VPS37A: variants seen among roughly 807,000 people sequenced by gnomAD.
VPS37A encodes the protein VPS37A subunit of ESCRT-I.
A neutral mutation model predicts 49.8 loss-of-function variants in VPS37A; 30 were observed. The ratio of observed to expected loss-of-function variants is 0.60; its 90% CI spans 0.45 to 0.82. The LOEUF is 0.82. VPS37A is among the 40% of genes least tolerant of loss of function. The probability of loss-of-function intolerance (pLI) is 0.00; values close to 1 mark genes in which losing one functional copy is unlikely to be tolerated. For synonymous variants in VPS37A, 195 were observed against 160.6 expected (o/e 1.21, Z -1.62); for missense variants, 593 against 464.4 (o/e 1.28, Z -2.55).
the VPS37A span, among the ~76,000 whole-genome samples, chr8:17,321,277 C>T: frequency 6.6e-6 from 1 of 152,208 alleles, no homozygotes; most frequent in Non-Finnish European, 1.5e-5. Flanking sequence ...CAGGACCAGG[C>T]CCTAGAATGT....
At chr8:17,313,992 G>C in the VPS37A span, among the ~76,000 whole-genome samples, 1 of 152,198 alleles carries the variant, frequency 6.6e-6, no homozygotes, top group African/African-American at 2.4e-5. Context: ...TAGAGCATCA[G>C]GGTAGAGGCT....
At chr8:17,294,961 G>T (rs748699775) in intron 11 of VPS37A, 26 bp from the exon 12 acceptor site, 1 of 152,364 alleles carries the variant, frequency 6.6e-6, no homozygotes, top group Admixed American at 6.5e-5. Context: ...AAATATTAGA[G>T]GTATTTTTTA....
intron 9 of VPS37A, 84 bp from the exon 10 acceptor site, chr8:17,284,389 C>A: frequency 6.8e-7 from 1 of 1,465,746 alleles, no homozygotes; most frequent in Non-Finnish European, 9.0e-7. Context: ...AATTGCCTCT[C>A]CATACCACTA....
chr8:17,285,610 C>A (rs181409422), intron 10 of VPS37A, among the ~76,000 whole-genome samples: 7 of 152,246 alleles, frequency 4.6e-5, no homozygotes, highest in African/African-American at 1.4e-4. Flanking sequence ...CCTGTTAAGG[C>A]AGATGAGGTG....
At chr8:17,299,933 C>T (rs746532431), downstream of VPS37A, 3 of 1,614,048 alleles carry the variant, frequency 1.9e-6, no homozygotes, top group Admixed American at 1.7e-5. Context: ...GCATGCTCAC[C>T]ACCACTTGGA....
At chr8:17,276,642 T>C (rs746502439) in intron 6 of VPS37A, among the ~76,000 whole-genome samples, 175 bp downstream of exon 6, 4 of 152,190 alleles carry the variant, frequency 2.6e-5, no homozygotes, top group Non-Finnish European at 4.4e-5. Context: ...GTTACATTTA[T>C]TGAGTGACTG....
At chr8:17,259,556 G>C (rs1812786799) in intron 1 of VPS37A, among the ~76,000 whole-genome samples, 1 of 152,134 alleles carries the variant, frequency 6.6e-6, no homozygotes, top group South Asian at 2.1e-4. Flanking sequence ...CAGCAATTGA[G>C]TGCAGTGTTC....
intron 4 of VPS37A, among the ~76,000 whole-genome samples, chr8:17,272,768 G>C (rs544412294): frequency 6.6e-6 from 1 of 152,078 alleles, no homozygotes; most frequent in Non-Finnish European, 1.5e-5. Context: ...AAGCTGATTA[G>C]AAAACTTAAT....
Position 17,247,357 on chromosome 8 carries a change from A to G in VPS37A, c.113A>G (p.Asn38Ser). Residue 38 changes from asparagine (N) to serine (S), a missense_variant, in exon 1 of 12, where the codon AAC (asparagine) becomes AGC (serine). Physicochemically the swap from Asn to Ser is conservative, Grantham distance 46. Transcript: ENST00000324849. ...QKQRLIESLR[N>S]SHSSIAEIQK... ...CAGCGCCTGATCGAGTCCCTCCGGA[A>G]CTCACACTCCAGGTGACTGGTCGCT... The G allele has an allele frequency of 6.7e-7, 1 of 1,490,058 alleles. No homozygotes were observed. Among genetic ancestry groups the G allele is most frequent in the Non-Finnish European group, 8.9e-7 (1 of 1,119,702 alleles). The allele number at this position is 1,490,058 out of a possible 1,614,324, so 92.3% of individuals were successfully genotyped here.
chr8:17,291,137 C>G (rs989467979), intron 11 of VPS37A, among the ~76,000 whole-genome samples: 7 of 152,116 alleles, frequency 4.6e-5, no homozygotes, highest in African/African-American at 1.7e-4. Context: ...CTCAGCCTCC[C>G]AAGTAGCTGG....
chr8:17,305,743 A>G, downstream of VPS37A: 4 of 1,592,802 alleles, frequency 2.5e-6, no homozygotes, highest in Non-Finnish European at 3.4e-6. Context: ...CACCAAAAAC[A>G]CCAAAACACT....
intron 1 of VPS37A, among the ~76,000 whole-genome samples, chr8:17,252,277 A>G (rs1017444404): frequency 9.9e-5 from 15 of 152,170 alleles, no homozygotes; most frequent in Non-Finnish European, 1.6e-4. Flanking sequence ...TCAGCTTCCC[A>G]AGTAGCTGGA....
At chr8:17,253,078 CAGTT>C (rs1812122831) in intron 1 of VPS37A, among the ~76,000 whole-genome samples, 2 of 152,056 alleles carry the variant, frequency 1.3e-5, no homozygotes, top group Non-Finnish European at 2.9e-5. Flanking sequence ...CTCAAGTGCT[CAGTT>C]AATTTTCTCA....
intron 2 of VPS37A, 62 bp from the exon 3 acceptor site, chr8:17,268,196 T>G: frequency 3.5e-6 from 4 of 1,158,178 alleles, no homozygotes; most frequent in Non-Finnish European, 5.0e-6. Flanking sequence ...TTTAAGATTT[T>G]GACCATATAA....
intron 1 of VPS37A, among the ~76,000 whole-genome samples, chr8:17,249,510 C>T (rs758253922): frequency 1.3e-5 from 2 of 152,096 alleles, no homozygotes; most frequent in Non-Finnish European, 2.9e-5. Flanking sequence ...TGAGATGTTT[C>T]GCATTTACAA....
At chr8:17,324,265 G>C in the VPS37A span, among the ~76,000 whole-genome samples, 83 of 152,314 alleles carry the variant, frequency 5.4e-4, no homozygotes, top group Middle Eastern at 6.8e-3. Context: ...CTGATGAATA[G>C]ATGAGCGTCT....
chr8:17,282,074 TG>T (rs1319433769), intron 9 of VPS37A, among the ~76,000 whole-genome samples: 1 of 151,988 alleles, frequency 6.6e-6, no homozygotes, highest in East Asian at 1.9e-4. Flanking sequence ...ATTTTTCAGA[TG>T]GGTAGTCAGG....
chr8:17,269,900 G>T (rs1349167881), intron 4 of VPS37A, among the ~76,000 whole-genome samples: 1 of 152,192 alleles, frequency 6.6e-6, no homozygotes, highest in African/African-American at 2.4e-5. Context: ...AATATATAAA[G>T]AAAAGAGGTT....
At chr8:17,252,884 G>T (rs1458038615) in intron 1 of VPS37A, among the ~76,000 whole-genome samples, 1 of 152,198 alleles carries the variant, frequency 6.6e-6, no homozygotes, top group Non-Finnish European at 1.5e-5. Context: ...TCAACATTTT[G>T]ACTGTGTAAA....
Sources: allele counts gnomAD v4.1 joint callset (sites outside exome capture counted in the v4.1 genomes callset), GRCh38; gene constraint gnomAD v4.1.1; transcripts MANE v1.5; gene names NCBI Gene and HGNC (gene_info 2026-07-23, HGNC 2026-07-21).